The following TRIOBP variants were observed in gnomAD, a reference collection of about 807,000 sequenced individuals.
TRIOBP encodes TRIO and F-actin binding protein, also known as TRIO and F-actin-binding protein.
Under a neutral mutation model 238.8 loss-of-function variants are expected in TRIOBP, and 169 were observed. That is an observed-to-expected ratio of 0.71 (90% CI 0.62 to 0.80). The LOEUF is 0.80. TRIOBP is among the 30% of genes least tolerant of loss of function. The pLI, the probability that TRIOBP is intolerant of heterozygous loss-of-function variation, is 0.00. For missense variants in TRIOBP, 2,838 were observed against 3,122.6 expected (o/e 0.91, Z 2.17); for synonymous variants, 1,150 against 1,274.4 (o/e 0.90, Z 2.08).
intron 3 of TRIOBP, among the ~76,000 whole-genome samples, chr22:37,704,640 G>C (rs1922841280): frequency 6.6e-6 from 1 of 151,508 alleles, no homozygotes; most frequent in Non-Finnish European, 1.5e-5. Context: ...AAAGGATAGG[G>C]CATTAGGGAA....
intron 6 of TRIOBP, among the ~76,000 whole-genome samples, chr22:37,718,108 C>T (rs1923628167): frequency 6.6e-6 from 1 of 152,294 alleles, no homozygotes. Flanking sequence ...TTGCCCGGGG[C>T]CGGCAGGGCC....
At chr22:37,766,063 C>A (rs1208624806) in intron 18 of TRIOBP, among the ~76,000 whole-genome samples, 2 of 152,178 alleles carry the variant, frequency 1.3e-5, no homozygotes, top group African/African-American at 2.4e-5. Context: ...GGTGGTGACT[C>A]TTCCTGCTCA....
At chr22:37,762,881 G>C (rs1361725994) in intron 17 of TRIOBP, among the ~76,000 whole-genome samples, 1 of 152,122 alleles carries the variant, frequency 6.6e-6, no homozygotes. Flanking sequence ...ACAGCTGTCG[G>C]GTGGTCTGGG....
intron 21 of TRIOBP, among the ~76,000 whole-genome samples, chr22:37,771,374 G>A (rs1448265592): frequency 2.0e-5 from 3 of 152,118 alleles, no homozygotes; most frequent in African/African-American, 4.8e-5. Context: ...TCTCACTCCC[G>A]AGGTGAGAGC....
intron 10 of TRIOBP, among the ~76,000 whole-genome samples, chr22:37,739,249 C>G (rs906426733): frequency 6.6e-6 from 1 of 152,170 alleles, no homozygotes; most frequent in Non-Finnish European, 1.5e-5. Context: ...TCCCCGTGAC[C>G]TACCAAACAG....
intron 16 of TRIOBP, 42 bp from the exon 17 acceptor site, chr22:37,759,111 GC>G: frequency 2.0e-6 from 3 of 1,532,586 alleles, no homozygotes; most frequent in Non-Finnish European, 2.7e-6. Flanking sequence ...CACCAGCCCT[GC>G]CCCAGCTTCC....
At chr22:37,772,369 A>G (rs1926824662) in intron 22 of TRIOBP, among the ~76,000 whole-genome samples, 1 of 152,114 alleles carries the variant, frequency 6.6e-6, no homozygotes. Flanking sequence ...GGTCTTGGTC[A>G]AAATCTTCTC....
chr22:37,755,806 G>A (rs1292144087), intron 15 of TRIOBP, 147 bp downstream of exon 15: 8 of 729,014 alleles, frequency 1.1e-5, no homozygotes, highest in African/African-American at 1.7e-5. Context: ...GAGCATTCTC[G>A]GTATCATCCA....
chr22:37,760,996 A>C (rs973695817), intron 17 of TRIOBP, among the ~76,000 whole-genome samples: 1 of 151,656 alleles, frequency 6.6e-6, no homozygotes, highest in Non-Finnish European at 1.5e-5. Flanking sequence ...GAAAGAAAAG[A>C]AAAGAAGGCT....
Position 37,725,853 on chromosome 22 carries a change from G to T in TRIOBP, c.3297G>T (p.Gln1099His). 1 of 1,604,276 alleles carries T rather than the reference G, an allele frequency of 6.2e-7. No homozygotes were observed. Among genetic ancestry groups the T allele is most frequent in the Non-Finnish European group, 8.5e-7 (1 of 1,178,386 alleles). Residue 1099 changes from glutamine to histidine, a missense_variant, in exon 7 of 24, where the codon CAG becomes CAT. Physicochemically the swap from Gln to His is conservative, Grantham distance 24. Transcript: ENST00000644935. Reference protein sequence around the residue: ...PDTSDAEHQCQSPQHEPLQLP... With the variant: ...PDTSDAEHQCHSPQHEPLQLP... ...CATCAGATGCCGAGCATCAGTGTCAGTCCCCCCAACACGAGCCCCTTCAGC... is the reference window on the plus strand; with the variant it reads ...CATCAGATGCCGAGCATCAGTGTCATTCCCCCCAACACGAGCCCCTTCAGC...
intron 7 of TRIOBP, among the ~76,000 whole-genome samples, chr22:37,732,750 C>A (rs1312002621): frequency 6.6e-6 from 1 of 152,148 alleles, no homozygotes; most frequent in Non-Finnish European, 1.5e-5. Flanking sequence ...GAATGGAACA[C>A]GGGGGCACAC....
At chr22:37,750,059 TAGGTTTCTCCTTGTACAGACACGTTCAG>T (rs1460023064) in intron 11 of TRIOBP, among the ~76,000 whole-genome samples, 2 of 152,186 alleles carry the variant, frequency 1.3e-5, no homozygotes, top group African/African-American at 4.8e-5. Flanking sequence ...GGAGGATCAC[TAGGTTTCTCCTTGTACAGACACGTTCAG>T]TCCTGTCGGA....
rs114456279 is a variant in TRIOBP, at chr22:37,706,153, G to A, written c.115-4274G>A. On this transcript the variant is annotated intron_variant, in intron 3 of 23. Transcript: ENST00000644935. ...ATGGCTGACTCCTGTAATTTCTTCAGGCAGGGTACTTGGGTTGGGAGGTCT... is the reference window on the plus strand; with the variant it reads ...ATGGCTGACTCCTGTAATTTCTTCAAGCAGGGTACTTGGGTTGGGAGGTCT... Among the ~76,000 whole-genome samples the A allele has an allele frequency of 9.9e-3, 1,511 of 152,220 alleles. 23 individuals carry two copies. Among genetic ancestry groups the A allele is most frequent in the African/African-American group, 0.035 (1,453 of 41,526 alleles).
In TRIOBP at chr22:37,768,301, A is replaced by G. The variant is rs961619340; in HGVS notation, c.6575+125A>G. On this transcript the variant is annotated intron_variant, in intron 19 of 23. Transcript: ENST00000644935. Reference sequence around the variant, plus strand: ...TGAGATTCCTGCTCCAGTCTCATGGATGCAAGAAACAGAAGCAGAAGGTCC... The same window carrying G: ...TGAGATTCCTGCTCCAGTCTCATGGGTGCAAGAAACAGAAGCAGAAGGTCC... 1.6e-4 allele frequency: 128 copies of G among 810,492 alleles called. 1 individual carries two copies. The highest frequency in any genetic ancestry group is 2.5e-4 in the Non-Finnish European group (120 of 481,818). 50.2% of individuals were successfully genotyped at this position (810,492 alleles called of 1,614,324 possible). A position where few individuals can be genotyped will look rare whatever the true frequency, so the allele number is the denominator to read the frequency against.
chr22:37,755,695 CACTT>C (rs1925883297), intron 15 of TRIOBP, 36 bp downstream of exon 15: 1 of 1,595,374 alleles, frequency 6.3e-7, no homozygotes, highest in Non-Finnish European at 8.6e-7. Flanking sequence ...TTGAGGGAGG[CACTT>C]ACCCTTGCGT....
At chr22:37,705,636 C>T (rs1301086327) in intron 3 of TRIOBP, among the ~76,000 whole-genome samples, 3 of 151,772 alleles carry the variant, frequency 2.0e-5, no homozygotes, top group East Asian at 1.9e-4. Context: ...AGTGCAGAGG[C>T]GTGATCTCGG....
Position 37,735,254 on chromosome 22 carries a change from A to T in TRIOBP, c.4918A>T (p.Asn1640Tyr). Residue 1640 changes from asparagine to tyrosine, a missense_variant, in exon 9 of 24, where the codon AAT (asparagine) becomes TAT (tyrosine). Physicochemically the swap from Asn to Tyr is moderately radical, Grantham distance 143. Coordinates refer to ENST00000644935, the MANE Select transcript of TRIOBP (RefSeq NM_001039141.3). ...PEGWAEATPV[N>Y]GHSPALQSQS... is the part of the protein sequence containing the mutation. ...AGGCTGGGCCGAGGCCACCCCAGTC[A>T]ATGGACACAGCCCCGCACTGCAGTC... 1 of 1,604,200 alleles carries T rather than the reference A, an allele frequency of 6.2e-7. No individual in the cohort carries two copies.
chr22:37,754,833 G>A (rs373031839), intron 12 of TRIOBP, 44 bp from the exon 13 acceptor site: 3 of 1,600,574 alleles, frequency 1.9e-6, no homozygotes, highest in Non-Finnish European at 2.6e-6. Flanking sequence ...CAGGACACCT[G>A]TACAATCACA....
At position 37,758,686 on chromosome 22, in the gene TRIOBP, A is replaced by G. The variant is rs1926078468; in HGVS notation, c.6214-468A>G. Among the ~76,000 whole-genome samples the G allele has an allele frequency of 4.5e-5, 6 of 132,032 alleles. No homozygotes were observed. In the South Asian group the frequency reaches 1.1e-3, roughly 24 times the overall value. 86.6% of individuals were successfully genotyped at this position (132,032 alleles called of 152,430 possible). ...GAGCCCGACTTTGTCTCAGATTAAA[A>G]AAAAAAAAGAAGAAGAAGAAGGGCG... On this transcript the variant is annotated intron_variant, in intron 16 of 23. Transcript: ENST00000644935.
Sources: allele counts gnomAD v4.1 joint callset (sites outside exome capture counted in the v4.1 genomes callset), GRCh38; gene constraint gnomAD v4.1.1; transcripts MANE v1.5; gene names NCBI Gene and HGNC (gene_info 2026-07-23, HGNC 2026-07-21).